The following AFG2A variants were observed in gnomAD, a reference collection of about 807,000 sequenced individuals.
AFG2A encodes the protein AAA ATPase AFG2A.
At chr4:123,229,509 A>ATGTT in the AFG2A span, among the ~76,000 whole-genome samples, 1 of 152,010 alleles carries the variant, frequency 6.6e-6, no homozygotes, top group Non-Finnish European at 1.5e-5. Context: ...CTCTAAGAAC[A>ATGTT]GTCTTTGAGG....
the AFG2A span, among the ~76,000 whole-genome samples, chr4:123,086,535 T>C: frequency 1.3e-5 from 2 of 152,200 alleles, no homozygotes; most frequent in African/African-American, 4.8e-5. Context: ...CAGTGTTCAC[T>C]GGACTTCCTG....
At chr4:123,162,507 A>G in the AFG2A span, among the ~76,000 whole-genome samples, 1 of 152,186 alleles carries the variant, frequency 6.6e-6, no homozygotes, top group African/African-American at 2.4e-5. Context: ...TCAGATGGAA[A>G]AGAAAGGAGA....
chr4:123,089,931 A>G, the AFG2A span, among the ~76,000 whole-genome samples: 1 of 152,118 alleles, frequency 6.6e-6, no homozygotes, highest in Non-Finnish European at 1.5e-5. Context: ...TTGTGGTCAA[A>G]GGACATGAAG....
chr4:123,261,432 T>C, the AFG2A span, among the ~76,000 whole-genome samples: 1 of 152,000 alleles, frequency 6.6e-6, no homozygotes. Context: ...CAACAAAAAG[T>C]ACAAATTTGA....
At chr4:122,997,051 T>A in the AFG2A span, among the ~76,000 whole-genome samples, 1 of 152,190 alleles carries the variant, frequency 6.6e-6, no homozygotes. Flanking sequence ...TCCTCACAGA[T>A]ACACCCAGAA....
the AFG2A span, among the ~76,000 whole-genome samples, chr4:123,218,143 A>C: frequency 3.3e-5 from 5 of 152,222 alleles, no homozygotes; most frequent in African/African-American, 9.6e-5. Context: ...TCTTCTCCTA[A>C]GAAATTTTAG....
At chr4:123,289,183 C>A in the AFG2A span, among the ~76,000 whole-genome samples, 1 of 152,172 alleles carries the variant, frequency 6.6e-6, no homozygotes, top group East Asian at 1.9e-4. Context: ...CTACCCCGTT[C>A]TGAATCTCCA....
chr4:123,294,436 A>G, the AFG2A span, among the ~76,000 whole-genome samples: 25 of 152,212 alleles, frequency 1.6e-4, no homozygotes, highest in African/African-American at 6.0e-4. Flanking sequence ...AATCCCTTCC[A>G]AACCTATCTT....
the AFG2A span, among the ~76,000 whole-genome samples, chr4:123,228,458 G>A: frequency 6.6e-6 from 1 of 151,776 alleles, no homozygotes; most frequent in East Asian, 1.9e-4. Flanking sequence ...GATTAATAAG[G>A]TAATAATTCT....
At chr4:123,003,314 C>T in the AFG2A span, among the ~76,000 whole-genome samples, 2 of 152,356 alleles carry the variant, frequency 1.3e-5, no homozygotes, top group East Asian at 3.9e-4. Flanking sequence ...TCGTCAAAGT[C>T]ATTCTCCGTC....
At chr4:123,310,972 A>G in the AFG2A span, among the ~76,000 whole-genome samples, 1 of 152,222 alleles carries the variant, frequency 6.6e-6, no homozygotes, top group Non-Finnish European at 1.5e-5. Flanking sequence ...TCTACACAGA[A>G]GAAGTCACGT....
the AFG2A span, among the ~76,000 whole-genome samples, chr4:123,268,593 C>A: frequency 6.6e-6 from 1 of 152,146 alleles, no homozygotes; most frequent in East Asian, 1.9e-4. Flanking sequence ...AGAAGCTGTA[C>A]GACAGGAGAG....
chr4:122,997,445 A>G, the AFG2A span, among the ~76,000 whole-genome samples: 9 of 152,178 alleles, frequency 5.9e-5, no homozygotes, highest in African/African-American at 1.9e-4. Flanking sequence ...TTCCAGGTTC[A>G]TGCATGTTGC....
At chr4:123,026,434 A>G in the AFG2A span, among the ~76,000 whole-genome samples, 1 of 152,156 alleles carries the variant, frequency 6.6e-6, no homozygotes, top group Non-Finnish European at 1.5e-5. Context: ...AACACGAACG[A>G]TAGGTGATGA....
chr4:123,259,441 G>T, the AFG2A span, among the ~76,000 whole-genome samples: 2 of 152,140 alleles, frequency 1.3e-5, no homozygotes, highest in Non-Finnish European at 2.9e-5. Context: ...CAGCCTCTGA[G>T]GGGAGACTGA....
the AFG2A span, among the ~76,000 whole-genome samples, chr4:123,077,370 A>T: frequency 6.6e-6 from 1 of 151,882 alleles, no homozygotes; most frequent in Non-Finnish European, 1.5e-5. Context: ...TCTTAAAACC[A>T]CTTACTGGCT....
chr4:122,961,765 A>T, the AFG2A span, among the ~76,000 whole-genome samples: 1 of 152,202 alleles, frequency 6.6e-6, no homozygotes, highest in Non-Finnish European at 1.5e-5. Context: ...TCAGCCTCCC[A>T]AAGTGCTGGG....
the AFG2A span, among the ~76,000 whole-genome samples, chr4:123,133,790 C>T: frequency 6.6e-6 from 1 of 152,132 alleles, no homozygotes; most frequent in Non-Finnish European, 1.5e-5. Flanking sequence ...CACATCCTTG[C>T]CAAAACTTAC....
At chr4:123,116,947 C>A in the AFG2A span, among the ~76,000 whole-genome samples, 1 of 152,086 alleles carries the variant, frequency 6.6e-6, no homozygotes, top group Non-Finnish European at 1.5e-5. Flanking sequence ...TGAATTAAAT[C>A]ATATAATAAA....
Sources: gnomAD v4.1 joint callset for allele counts (sites outside exome capture counted in the v4.1 genomes callset) on GRCh38, gnomAD v4.1.1 for gene constraint, MANE v1.5 for transcripts, NCBI Gene and HGNC (gene_info 2026-07-23, HGNC 2026-07-21) for gene names.